The following RB1CC1 variants were observed in gnomAD, a reference collection of about 807,000 sequenced individuals.
RB1CC1 encodes RB1-inducible coiled-coil protein 1.
In RB1CC1, 46 loss-of-function variants were observed where a neutral mutation model predicts 177.5. The observed-to-expected ratio is 0.26, with a 90% CI of 0.20 to 0.33. The LOEUF (loss-of-function observed/expected upper bound fraction) is 0.33. RB1CC1 is among the 10% of genes least tolerant of loss of function. RB1CC1 has a pLI of 1.00. For synonymous variants in RB1CC1, 666 were observed against 613.6 expected (o/e 1.09, Z -1.26); for missense variants, 1,703 against 1,816.3 (o/e 0.94, Z 1.13).
chr8:52,624,922 A>T (rs1848277134), intron 22 of RB1CC1, 135 bp from the exon 23 acceptor site: 1 of 594,844 alleles, frequency 1.7e-6, no homozygotes, highest in Admixed American at 3.7e-5. Flanking sequence ...AAAACTACCG[A>T]AATCACTGAA....
chr8:52,676,673 G>A, intron 5 of RB1CC1, 102 bp from the exon 6 acceptor site: 1 of 1,014,186 alleles, frequency 9.9e-7, no homozygotes, highest in Non-Finnish European at 1.5e-6. Flanking sequence ...GCGTTGTAGA[G>A]CACATTTAAC....
intron 13 of RB1CC1, 145 bp downstream of exon 13, chr8:52,658,728 T>C (rs1204971940): frequency 6.6e-6 from 3 of 456,334 alleles, no homozygotes; most frequent in African/African-American, 6.1e-5. Context: ...CAGAAATTTC[T>C]CAAAGCAGTC....
In RB1CC1 at chr8:52,645,728, G is replaced by T; in HGVS notation, c.3961C>A (p.Arg1321=). The T allele has an allele frequency of 6.2e-7, 1 of 1,612,714 alleles. No homozygotes were observed. The highest frequency in any genetic ancestry group is 1.1e-5 in the South Asian group (1 of 90,792). ...TGTTGTTCCGCAATCAAAGATGTTC[G>T]AACATTTTGCATTTCTTCATTCTTT... The part of the protein sequence containing the change: ...KRKNEEMQNV[R]TSLIAEQQTN... The change falls in exon 16 of 24, where the codon CGA becomes AGA. Residue 1321 remains arginine, a synonymous_variant. Transcript: ENST00000025008.
intron 15 of RB1CC1, among the ~76,000 whole-genome samples, chr8:52,646,156 T>TG (rs1850006691): frequency 2.0e-5 from 3 of 152,200 alleles, no homozygotes; most frequent in African/African-American, 7.2e-5. Context: ...GCTCTGCCCA[T>TG]GGAGTAGCCA....
chr8:52,693,442 A>T (rs544323910), intron 1 of RB1CC1, among the ~76,000 whole-genome samples: 1 of 152,164 alleles, frequency 6.6e-6, no homozygotes, highest in South Asian at 2.1e-4. Flanking sequence ...GAAAACATAC[A>T]TGTAGCCAAC....
intron 6 of RB1CC1, 41 bp from the exon 7 acceptor site, chr8:52,674,315 C>T: frequency 1.3e-6 from 2 of 1,483,494 alleles, no homozygotes; most frequent in Non-Finnish European, 1.9e-6. Flanking sequence ...TATGAGACTG[C>T]TCTAATTAGG....
At position 52,622,720 on chromosome 8, in the gene RB1CC1, A is replaced by AATTCTATTCT. The variant is rs1221675327; in HGVS notation, c.*1052_*1061dup. The AATTCTATTCT allele has an allele frequency of 2.6e-5, 4 of 152,138 alleles. No individual in the cohort carries two copies. Among genetic ancestry groups the AATTCTATTCT allele is most frequent in the Non-Finnish European group, 5.9e-5 (4 of 67,558 alleles). The allele number at this position is 152,138 out of a possible 1,614,324, so 9.4% of individuals were successfully genotyped here. A position where few individuals can be genotyped will look rare whatever the true frequency, so the allele number is the denominator to read the frequency against. ...ACTTCTCTAAAGATCTAGTTTACACAATTCTATTCTACATAACACTGTTTA... is the reference window on the plus strand; with the variant it reads ...ACTTCTCTAAAGATCTAGTTTACACAATTCTATTCTATTCTATTCTACATAACACTGTTTA... On this transcript the variant is annotated 3_prime_UTR_variant, in exon 24 of 24. Coordinates refer to ENST00000025008, the MANE Select transcript of RB1CC1 (RefSeq NM_014781.5).
rs771656472 is a variant in RB1CC1 at position 52,656,275 on chromosome 8, G to A, written c.3554C>T (p.Ser1185Leu). 6.2e-7 allele frequency: 1 copy of A among 1,613,206 alleles called. No homozygotes were observed. The highest frequency in any genetic ancestry group is 1.7e-5 in the Admixed American group (1 of 59,986). The stretch of plus-strand genomic sequence containing the variant: ...TTGTCTTTCAAGAGCACTCAATTCT[G>A]AATCCAATTTACTCTGCAGTTCAAT... ...QIIELQSKLDSELSALERQKD... is the reference protein window; with the variant it reads ...QIIELQSKLDLELSALERQKD... Residue 1185 changes from serine (S) to leucine (L), a missense_variant, in exon 15 of 24, where the codon TCA (serine) becomes TTA (leucine). This residue lies in a region of RB1CC1 where 1,169 missense variants were observed against 1,184.7 expected (regional missense o/e 0.99). Coordinates refer to ENST00000025008, the MANE Select transcript of RB1CC1 (RefSeq NM_014781.5).
At chr8:52,686,811 A>C in intron 2 of RB1CC1, 42 bp downstream of exon 2, 1 of 378,022 alleles carries the variant, frequency 2.6e-6, no homozygotes, top group Non-Finnish European at 5.2e-6. Flanking sequence ...TTTTAAAGGC[A>C]ATAGATTAAA....
intron 1 of RB1CC1, among the ~76,000 whole-genome samples, chr8:52,708,056 C>CT: frequency 6.6e-6 from 1 of 152,152 alleles, no homozygotes; most frequent in African/African-American, 2.4e-5. Flanking sequence ...GCAATTATGA[C>CT]TTTAATTAAA....
intron 15 of RB1CC1, among the ~76,000 whole-genome samples, chr8:52,647,495 A>G (rs1734966274): frequency 6.6e-6 from 1 of 152,178 alleles, no homozygotes; most frequent in Non-Finnish European, 1.5e-5. Context: ...GACATACTAC[A>G]TAAATCAAAG....
chr8:52,657,105 A>G lies in RB1CC1; in HGVS notation c.2724T>C (p.Asn908=). Residue 908 remains asparagine, a synonymous_variant, in exon 15 of 24, where the codon AAT becomes AAC. Coordinates refer to ENST00000025008, the MANE Select transcript of RB1CC1 (RefSeq NM_014781.5). ...TAACCAAAGCAAATTCATTATCTTT[A>G]TTTTGTAAAACCTCCTCAAGGCATA... ...ELVCLEEVLQ[N]KDNEFALVKH... The G allele has an allele frequency of 1.2e-6, 2 of 1,610,616 alleles. No homozygotes were observed. The highest frequency in any genetic ancestry group is 1.1e-5 in the South Asian group (1 of 90,352).
At chr8:52,667,020 A>G (rs2123288) in intron 8 of RB1CC1, among the ~76,000 whole-genome samples, 38,892 of 152,132 alleles carry the variant, frequency 0.26, 5,662 homozygotes, top group Non-Finnish European at 0.33. Flanking sequence ...TTCAAGATGC[A>G]CTACAAGCCC....
intron 15 of RB1CC1, among the ~76,000 whole-genome samples, chr8:52,650,088 T>C (rs1197843791): frequency 6.6e-6 from 1 of 152,204 alleles, no homozygotes; most frequent in East Asian, 1.9e-4. Context: ...ATCTTAGAAA[T>C]GTTTCTCCTT....
chr8:52,692,165 A>G (rs955946978), intron 1 of RB1CC1, among the ~76,000 whole-genome samples: 2 of 152,228 alleles, frequency 1.3e-5, no homozygotes, highest in Non-Finnish European at 2.9e-5. Flanking sequence ...CAATAAAAAT[A>G]TCACCTGAGA....
At chr8:52,677,757 CAATT>C (rs748156252) in intron 5 of RB1CC1, among the ~76,000 whole-genome samples, 5 of 151,796 alleles carry the variant, frequency 3.3e-5, no homozygotes, top group Non-Finnish European at 7.4e-5. Context: ...CAATTAATGT[CAATT>C]AATCAATCAT....
Position 52,623,743 on chromosome 8 carries a change from G to GA in RB1CC1, c.*38dup. The GA allele has an allele frequency of 2.0e-6, 3 of 1,479,144 alleles. No homozygotes were observed. Among genetic ancestry groups the GA allele is most frequent in the East Asian group, 2.3e-5 (1 of 44,076 alleles). The allele number at this position is 1,479,144 out of a possible 1,614,324, so 91.6% of individuals were successfully genotyped here. ...TGAATGAGCACTGCAGGACAAATCA[G>GA]AAAAAAATGTCATAGAATGTATTAA... On this transcript the variant is annotated 3_prime_UTR_variant, in exon 24 of 24. Transcript: ENST00000025008.
intron 1 of RB1CC1, among the ~76,000 whole-genome samples, chr8:52,688,475 C>G (rs543742604): frequency 6.6e-6 from 1 of 152,298 alleles, no homozygotes; most frequent in South Asian, 2.1e-4. Flanking sequence ...CTCAGGCTTA[C>G]TACGGTGGTG....
chr8:52,634,607 A>G (rs1466479347), intron 20 of RB1CC1, among the ~76,000 whole-genome samples: 1 of 152,202 alleles, frequency 6.6e-6, no homozygotes. Context: ...CTTATGAAAC[A>G]TAACTCAAAA....
Sources: allele counts gnomAD v4.1 joint callset (sites outside exome capture counted in the v4.1 genomes callset), GRCh38; gene constraint gnomAD v4.1.1; regional missense constraint gnomAD v4.1.1; transcripts MANE v1.5; gene names NCBI Gene and HGNC (gene_info 2026-07-23, HGNC 2026-07-21).